TTC39B: variants seen among roughly 807,000 people sequenced by gnomAD.
The protein encoded by TTC39B is tetratricopeptide repeat domain 39B.
Under a neutral mutation model 96.6 loss-of-function variants are expected in TTC39B, and 92 were observed. The ratio of observed to expected loss-of-function variants is 0.95; its 90% CI spans 0.80 to 1.13. The LOEUF (loss-of-function observed/expected upper bound fraction) is 1.13. Among genes scored for constraint, TTC39B ranks in the 50% most tolerant of loss-of-function variants. TTC39B has a pLI of 0.00. For synonymous variants in TTC39B, 367 were observed against 299.4 expected, an observed-to-expected ratio of 1.23 and a Z score of -2.33; for missense variants, 955 against 809.3, an observed-to-expected ratio of 1.18 and a Z score of -2.18.
chr9:15,251,485 T>C (rs1822534274), intron 2 of TTC39B, among the ~76,000 whole-genome samples: 1 of 151,584 alleles, frequency 6.6e-6, no homozygotes, highest in Non-Finnish European at 1.5e-5. Flanking sequence ...TCACTTGAAC[T>C]GGGTAGGTGC....
At chr9:15,257,514 T>A (rs1302631852) in intron 2 of TTC39B, among the ~76,000 whole-genome samples, 1 of 152,074 alleles carries the variant, frequency 6.6e-6, no homozygotes, top group Non-Finnish European at 1.5e-5. Context: ...AGTGGCACCA[T>A]CACAGCTCAA....
At chr9:15,209,482 C>T (rs1384463214) in intron 6 of TTC39B, among the ~76,000 whole-genome samples, 1 of 152,120 alleles carries the variant, frequency 6.6e-6, no homozygotes, top group Non-Finnish European at 1.5e-5. Context: ...TTGTGGAAAA[C>T]TGAAACTCTC....
At chr9:15,219,437 C>T (rs1820717898) in intron 3 of TTC39B, among the ~76,000 whole-genome samples, 1 of 152,128 alleles carries the variant, frequency 6.6e-6, no homozygotes, top group South Asian at 2.1e-4. Context: ...ATATCTGATT[C>T]ATAAGATCTA....
intron 1 of TTC39B, among the ~76,000 whole-genome samples, chr9:15,285,274 GAA>G (rs569294561): frequency 2.3e-5 from 3 of 127,894 alleles, no homozygotes; most frequent in Admixed American, 7.6e-5. Context: ...GTCTCAAAAA[GAA>G]AAAAAAAAAA....
At chr9:15,166,107 G>A (rs1250833092) in exon 20 of TTC39B, 2 of 152,038 alleles carry the variant, frequency 1.3e-5, no homozygotes, top group Non-Finnish European at 2.9e-5. Context: ...CCTTAAATTT[G>A]TTGTTTAAAT....
At chr9:15,189,928 T>G (rs1818760255) in intron 11 of TTC39B, 136 bp from the exon 12 acceptor site, 5 of 653,282 alleles carry the variant, frequency 7.7e-6, no homozygotes, top group Non-Finnish European at 8.0e-6. Context: ...CATTTTTATA[T>G]CTGGGGAATA....
At chr9:15,184,402 T>C (rs1017671656) in intron 16 of TTC39B, among the ~76,000 whole-genome samples, 17 of 142,558 alleles carry the variant, frequency 1.2e-4, no homozygotes, top group Non-Finnish European at 1.5e-5. Flanking sequence ...AGAGGAATGA[T>C]GAAATAAACT....
chr9:15,275,048 T>G (rs1224184313), intron 1 of TTC39B, among the ~76,000 whole-genome samples: 4 of 152,052 alleles, frequency 2.6e-5, no homozygotes, highest in African/African-American at 9.7e-5. Flanking sequence ...TTCTGTTTTT[T>G]TTTTTTTCCT....
At chr9:15,189,763 C>T (rs765153413) in exon 12 of TTC39B, 11 of 1,613,230 alleles carry the variant, frequency 6.8e-6, no homozygotes, top group Middle Eastern at 3.3e-4. Context: ...AGGAGACGCT[C>T]TGCTTCCGCA....
intron 1 of TTC39B, among the ~76,000 whole-genome samples, chr9:15,271,148 G>T (rs1256978729): frequency 6.6e-6 from 1 of 152,040 alleles, no homozygotes; most frequent in Non-Finnish European, 1.5e-5. Context: ...ATGGGGAGGG[G>T]GTGGGAGATG....
At chr9:15,263,538 A>G (rs1212134304) in intron 2 of TTC39B, among the ~76,000 whole-genome samples, 2 of 152,188 alleles carry the variant, frequency 1.3e-5, no homozygotes. Flanking sequence ...GCTGTGTGTA[A>G]TATTTTCTTT....
chr9:15,174,575 C>T (rs1011008951), intron 19 of TTC39B, among the ~76,000 whole-genome samples: 1 of 152,160 alleles, frequency 6.6e-6, no homozygotes. Context: ...TGGCTGAATA[C>T]AATGAAGGTT....
intron 8 of TTC39B, among the ~76,000 whole-genome samples, chr9:15,197,712 C>T (rs1009474550): frequency 3.9e-5 from 6 of 151,940 alleles, no homozygotes; most frequent in African/African-American, 1.5e-4. Flanking sequence ...ACTACTGAGA[C>T]CCAAAGATAC....
chr9:15,187,464 T>A (rs1818594470), intron 14 of TTC39B, among the ~76,000 whole-genome samples: 1 of 152,190 alleles, frequency 6.6e-6, no homozygotes. Flanking sequence ...TTAAAATAAC[T>A]CTTTGTTGTT....
chr9:15,205,989 A>C (rs2131328283), intron 6 of TTC39B, among the ~76,000 whole-genome samples: 1 of 152,298 alleles, frequency 6.6e-6, no homozygotes, highest in African/African-American at 2.4e-5. Flanking sequence ...CACTTGATTC[A>C]GGAAGCAACA....
At chr9:15,297,052 G>A (rs1365004849) in intron 1 of TTC39B, among the ~76,000 whole-genome samples, 1 of 152,182 alleles carries the variant, frequency 6.6e-6, no homozygotes, top group Admixed American at 6.5e-5. Flanking sequence ...TTCAAGGCCA[G>A]ATTCTGATCA....
chr9:15,191,238 T>C (rs752307403), exon 10 of TTC39B: 1 of 1,610,356 alleles, frequency 6.2e-7, no homozygotes. Context: ...TAATCCTTGC[T>C]GGTAAAAGGG....
chr9:15,248,789 G>C (rs904039207), intron 2 of TTC39B, among the ~76,000 whole-genome samples: 1 of 152,128 alleles, frequency 6.6e-6, no homozygotes, highest in Non-Finnish European at 1.5e-5. Flanking sequence ...GGGTGGTAGA[G>C]AAAATTTCTT....
chr9:15,208,696 T>G (rs1820016904), intron 6 of TTC39B, among the ~76,000 whole-genome samples: 1 of 152,228 alleles, frequency 6.6e-6, no homozygotes, highest in African/African-American at 2.4e-5. Context: ...GGGTTTCAGC[T>G]GCCTAGAATG....
Sources: allele counts gnomAD v4.1 joint callset (sites outside exome capture counted in the v4.1 genomes callset), GRCh38; gene constraint gnomAD v4.1.1; transcripts MANE v1.5; gene names NCBI Gene and HGNC (gene_info 2026-07-23, HGNC 2026-07-21).